The following SERPINB10 variants were observed in gnomAD, a reference collection of about 807,000 sequenced individuals.
SERPINB10 encodes the protein serpin B10.
Under a neutral mutation model 39.1 loss-of-function variants are expected in SERPINB10, and 35 were observed. The ratio of observed to expected loss-of-function variants is 0.90; its 90% CI spans 0.68 to 1.19. SERPINB10 has a LOEUF of 1.19. Ranked by LOEUF, SERPINB10 falls within the 50% of genes most tolerant of loss-of-function variation. The pLI is 0.00. For missense variants in SERPINB10, 546 were observed against 460.5 expected, an observed-to-expected ratio of 1.19 and a Z score of -1.70; for synonymous variants, 190 against 158.1, an observed-to-expected ratio of 1.20 and a Z score of -1.52.
chr18:63,909,261 A>G (rs185150597), intron 1 of SERPINB10, among the ~76,000 whole-genome samples: 115 of 152,060 alleles, frequency 7.6e-4, no homozygotes, highest in African/African-American at 2.7e-3. Context: ...AATTTTGAAA[A>G]TAACCTGGTA....
Position 63,935,121 on chromosome 18 carries a change from A to G in SERPINB10, c.1073A>G (p.Glu358Gly). Reference protein sequence around the residue: ...GTEAAAGSGSEIDIRIRVPSI... With the variant: ...GTEAAAGSGSGIDIRIRVPSI... The stretch of plus-strand genomic sequence containing the variant: ...GAAGCTGCAGCTGGCAGTGGGAGTG[A>G]GATAGATATACGAATTAGAGTCCCA... Residue 358 changes from glutamate (E) to glycine (G), a missense_variant, in exon 8 of 8, where the codon GAG (glutamate) becomes GGG (glycine). Physicochemically the swap from Glu to Gly is moderately conservative, Grantham distance 98. Coordinates refer to ENST00000238508, the MANE Select transcript of SERPINB10 (RefSeq NM_005024.3). 1 of 1,613,880 alleles carries G rather than the reference A, an allele frequency of 6.2e-7. No individual in the cohort carries two copies. The highest frequency in any genetic ancestry group is 8.5e-7 in the Non-Finnish European group (1 of 1,180,034).
chr18:63,934,442 A>T (rs917358978), intron 7 of SERPINB10, among the ~76,000 whole-genome samples: 1 of 152,144 alleles, frequency 6.6e-6, no homozygotes, highest in Non-Finnish European at 1.5e-5. Context: ...TTTTGTTTTC[A>T]AAGAGCTGTC....
chr18:63,928,479 A>G (rs1213362099), intron 5 of SERPINB10, among the ~76,000 whole-genome samples: 2 of 152,108 alleles, frequency 1.3e-5, no homozygotes, highest in African/African-American at 2.4e-5. Flanking sequence ...GCAATTGCAC[A>G]CAGCAATATT....
chr18:63,927,923 A>G (rs1295764502), intron 5 of SERPINB10, among the ~76,000 whole-genome samples: 1 of 151,944 alleles, frequency 6.6e-6, no homozygotes, highest in African/African-American at 2.4e-5. Flanking sequence ...AGAATTTTCT[A>G]TTTTGTGCTT....
At chr18:63,922,627 T>C (rs2144729667) in intron 5 of SERPINB10, among the ~76,000 whole-genome samples, 1 of 152,110 alleles carries the variant, frequency 6.6e-6, no homozygotes, top group South Asian at 2.1e-4. Context: ...TGTTGTCTGG[T>C]GCCACATAAG....
In SERPINB10 at chr18:63,914,091, C is replaced by T. The variant is rs117911120; in HGVS notation, c.-9-1411C>T. On this transcript the variant is annotated intron_variant, in intron 1 of 7. Coordinates refer to ENST00000238508, the MANE Select transcript of SERPINB10 (RefSeq NM_005024.3). ...TCTGATATAAGAATAGCACCCACTG[C>T]TCTATTTTGTTTTCAATTTGTGTGA... Among the ~76,000 whole-genome samples, 1,000 of 152,196 alleles carry T rather than the reference C, an allele frequency of 6.6e-3. 6 individuals are homozygous for T. Among genetic ancestry groups the T allele is most frequent in the Non-Finnish European group, 0.011 (755 of 67,972 alleles).
rs1431358206 is a variant in SERPINB10, at chr18:63,917,502, G to T, written c.215G>T (p.Ser72Ile). The change falls in exon 3 of 8, where the codon AGT becomes ATT. Residue 72 changes from serine to isoleucine, a missense_variant. Ser to Ile is a moderately radical substitution (Grantham distance 142). Transcript: ENST00000238508. ...CAGGGAGTCAAATGTGACCCTGAAA[G>T]TGAAAAAAAAAGGAAAATGGTATAT... ...RDQGVKCDPESEKKRKMEFNL... is the reference protein window; with the variant it reads ...RDQGVKCDPEIEKKRKMEFNL... 3 of 1,566,146 alleles carry T rather than the reference G, an allele frequency of 1.9e-6. No homozygotes were observed. The highest frequency in any genetic ancestry group is 2.6e-6 in the Non-Finnish European group (3 of 1,156,400).
chr18:63,916,073 T>C (rs985810774), intron 2 of SERPINB10, among the ~76,000 whole-genome samples: 14 of 151,988 alleles, frequency 9.2e-5, no homozygotes, highest in African/African-American at 3.4e-4. Context: ...AAAAGAAAAA[T>C]AAAAGAATTC....
chr18:63,932,895 A>G (rs958867551), intron 6 of SERPINB10, among the ~76,000 whole-genome samples, 153 bp from the exon 7 acceptor site: 1 of 152,248 alleles, frequency 6.6e-6, no homozygotes, highest in East Asian at 1.9e-4. Context: ...AGATATTTCC[A>G]TAAAGGAAGG....
chr18:63,928,428 C>T (rs1360425905), intron 5 of SERPINB10, among the ~76,000 whole-genome samples: 2 of 151,992 alleles, frequency 1.3e-5, no homozygotes, highest in Admixed American at 6.6e-5. Flanking sequence ...GGTTGATAGC[C>T]AAATATCAGT....
chr18:63,917,444 T>C lies in SERPINB10; in HGVS notation c.169-12T>C. On this transcript the variant is annotated splice_polypyrimidine_tract_variant and intron_variant, in intron 2 of 7. Coordinates refer to ENST00000238508, the MANE Select transcript of SERPINB10 (RefSeq NM_005024.3). ...TGCAGTCTATTCATTTGTATTTTTA[T>C]TGAAATTACAGGTGCTTCAATTTAA... The C allele has an allele frequency of 6.6e-7, 1 of 1,524,588 alleles. No homozygotes were observed. The highest frequency in any genetic ancestry group is 1.2e-5 in the South Asian group (1 of 82,444). 94.4% of individuals were successfully genotyped at this position (1,524,588 alleles called of 1,614,324 possible).
intron 5 of SERPINB10, among the ~76,000 whole-genome samples, chr18:63,923,874 C>T (rs1034064005): frequency 5.9e-5 from 9 of 151,968 alleles, no homozygotes; most frequent in Middle Eastern, 3.4e-3. Context: ...TTGCTCCAGC[C>T]GTGTTCATTC....
chr18:63,934,136 A>G (rs1329515988), intron 7 of SERPINB10, among the ~76,000 whole-genome samples: 1 of 152,250 alleles, frequency 6.6e-6, no homozygotes, highest in Admixed American at 6.5e-5. Context: ...ACTTCCGTCT[A>G]GAAGATGCAT....
chr18:63,909,996 C>T (rs1324984454), intron 1 of SERPINB10, among the ~76,000 whole-genome samples: 1 of 151,918 alleles, frequency 6.6e-6, no homozygotes, highest in African/African-American at 2.4e-5. Flanking sequence ...TTGGAGTAGA[C>T]AGGAGCCACA....
chr18:63,928,592 C>A (rs574498534), intron 5 of SERPINB10, among the ~76,000 whole-genome samples: 2 of 152,144 alleles, frequency 1.3e-5, no homozygotes, highest in African/African-American at 4.8e-5. Context: ...GTATTTCAGT[C>A]CCCTCGAAAT....
intron 5 of SERPINB10, among the ~76,000 whole-genome samples, chr18:63,923,866 G>T (rs755932053): frequency 2.0e-5 from 3 of 151,602 alleles, no homozygotes; most frequent in African/African-American, 7.3e-5. Context: ...TCATGATTTT[G>T]CTCCAGCCGT....
At chr18:63,929,712 C>CAAAAAAAAAAAAAAAAAAAAAAGAAA (rs74169990) in intron 5 of SERPINB10, among the ~76,000 whole-genome samples, 1 of 97,346 alleles carries the variant, frequency 1.0e-5, no homozygotes, top group Non-Finnish European at 2.5e-5. Flanking sequence ...AGCTAAAGTG[C>CAAAAAAAAAAAAAAAAAAAAAAGAAA]AAAAAAAAAA....
In SERPINB10 at chr18:63,935,298, G is replaced by C; in HGVS notation, c.*56G>C. 1 of 1,486,854 alleles carries C rather than the reference G, an allele frequency of 6.7e-7. No homozygotes were observed. Among genetic ancestry groups the C allele is most frequent in the Non-Finnish European group, 8.9e-7 (1 of 1,122,454 alleles). The allele number at this position is 1,486,854 out of a possible 1,614,324, so 92.1% of individuals were successfully genotyped here. A position where few individuals can be genotyped will look rare whatever the true frequency, so the allele number is the denominator to read the frequency against. ...TCTTACAGTGTGAAAAATGTACCAT[G>C]AGATGGAAAAGCACAATTTTCACAA... On this transcript the variant is annotated 3_prime_UTR_variant, in exon 8 of 8. Transcript: ENST00000238508.
chr18:63,913,405 G>A (rs1017546403), intron 1 of SERPINB10, among the ~76,000 whole-genome samples: 1 of 151,958 alleles, frequency 6.6e-6, no homozygotes, highest in African/African-American at 2.4e-5. Flanking sequence ...TTTTAAGGTA[G>A]GCATTTAGTG....
Sources: allele counts gnomAD v4.1 joint callset (sites outside exome capture counted in the v4.1 genomes callset), GRCh38; gene constraint gnomAD v4.1.1; transcripts MANE v1.5; gene names NCBI Gene and HGNC (gene_info 2026-07-23, HGNC 2026-07-21).